SHOX: variants seen among roughly 807,000 people sequenced by gnomAD.
SHOX encodes the protein short stature homeobox protein.
SHOX carries 12 observed loss-of-function variants against 29.6 expected under a neutral mutation model. The observed-to-expected ratio is 0.41, with a 90% confidence interval of 0.26 to 0.66. SHOX has a LOEUF of 0.66. SHOX is among the 30% of genes least tolerant of loss of function. SHOX has a pLI of 0.35. For synonymous variants in SHOX, 214 were observed against 200.6 expected, an observed-to-expected ratio of 1.07 and a Z score of -0.57; for missense variants, 499 against 437.7, an observed-to-expected ratio of 1.14 and a Z score of -1.25.
upstream of SHOX, among the ~76,000 whole-genome samples, chrX:626,340 CTCTG>C (rs1351632855): frequency 1.5e-5 from 2 of 129,134 alleles, no homozygotes; most frequent in East Asian, 2.5e-4. Flanking sequence ...CTGTCTGTAT[CTCTG>C]TCTATCTCTG....
chrX:626,168 G>A (rs1220350416), upstream of SHOX, among the ~76,000 whole-genome samples: 1 of 101,634 alleles, frequency 9.8e-6, no homozygotes, highest in African/African-American at 4.3e-5. Context: ...CTCTATCTCT[G>A]TCTCTCTTTC....
At chrX:631,327 G>A in intron 1 of SHOX, 153 bp downstream of exon 1, 1 of 495,622 alleles carries the variant, frequency 2.0e-6, no homozygotes, top group Non-Finnish European at 2.6e-6. Flanking sequence ...GCCTAAGAAA[G>A]GAAGGAAGGC....
rs1229600774 is a variant in SHOX, at chrX:649,113, C to T, written c.*4477C>T. The stretch of plus-strand genomic sequence containing the variant: ...AGTGCAGTGGTGCAATCCCAGCTCA[C>T]TGCATCCTCTACCTCCTGGCTTCAA... On this transcript the variant is annotated 3_prime_UTR_variant, in exon 5 of 5. Coordinates refer to ENST00000686671, the MANE Select transcript of SHOX (RefSeq NM_000451.4). Among the ~76,000 whole-genome samples the T allele has an allele frequency of 6.6e-6, 1 of 151,820 alleles. No homozygotes were observed. Among genetic ancestry groups the T allele is most frequent in the Non-Finnish European group, 1.5e-5 (1 of 68,002 alleles).
At chrX:638,277 G>A (rs1367510727) in intron 2 of SHOX, among the ~76,000 whole-genome samples, 1 of 151,650 alleles carries the variant, frequency 6.6e-6, no homozygotes, top group Non-Finnish European at 1.5e-5. Context: ...TCCTCTCGCC[G>A]TGTTGAAGGG....
chrX:627,790 G>C (rs925598551), upstream of SHOX, among the ~76,000 whole-genome samples: 9 of 152,104 alleles, frequency 5.9e-5, no homozygotes, highest in African/African-American at 1.7e-4. Flanking sequence ...ACCTCAGGTC[G>C]GGGAAAGCCT....
At chrX:652,971 GCT>G (rs1179858901), downstream of SHOX, among the ~76,000 whole-genome samples, 1 of 152,124 alleles carries the variant, frequency 6.6e-6, no homozygotes, top group Non-Finnish European at 1.5e-5. Context: ...GCGCAGTGTG[GCT>G]CTCACGCCTG....
downstream of SHOX, among the ~76,000 whole-genome samples, chrX:652,003 A>C (rs1301834515): frequency 6.6e-6 from 1 of 150,576 alleles, no homozygotes. Flanking sequence ...GCTCACCGCG[A>C]CCTCCGCCTC....
intron 5 of SHOX, chrX:658,775 T>A (rs2053184317): frequency 2.5e-6 from 1 of 396,974 alleles, no homozygotes; most frequent in Non-Finnish European, 5.0e-6. Flanking sequence ...TGGCCTTTTT[T>A]TTTTTTTAGA....
In SHOX at chrX:634,940, GCGGGGAGGT is replaced by G. The variant is rs1268869170; in HGVS notation, c.486+115_486+123del. 4 of 1,175,164 alleles carry G rather than the reference GCGGGGAGGT, an allele frequency of 3.4e-6. No individual in the cohort carries two copies. The African/African-American group carries it at 6.1e-5, about 18-fold the overall frequency. 72.8% of individuals were successfully genotyped at this position (1,175,164 alleles called of 1,614,324 possible). On this transcript the variant is annotated intron_variant, in intron 2 of 4. Coordinates refer to ENST00000686671, the MANE Select transcript of SHOX (RefSeq NM_000451.4). ...GCCGCCGCCGTCCCCTTCCCGGAGC[GCGGGGAGGT>G]TGGGTGAGGGACGGGCTGGGGTTCC...
intron 4 of SHOX, among the ~76,000 whole-genome samples, chrX:642,907 CTGGAGAGGCTTGGGGACCTGGTGACCT>C (rs2052882162): frequency 7.4e-6 from 1 of 135,074 alleles, no homozygotes; most frequent in Non-Finnish European, 1.6e-5. Flanking sequence ...CCTGGTGTCC[CTGGAGAGGCTTGGGGACCTGGTGACCT>C]TGGAGAGGCT....
At chrX:629,393 CTCTCTCTCCA>C (rs2052606587), upstream of SHOX, among the ~76,000 whole-genome samples, 1 of 66,814 alleles carries the variant, frequency 1.5e-5, no homozygotes, top group East Asian at 3.0e-4. Context: ...GTCTCTCTTT[CTCTCTCTCCA>C]TCTCTCTCCG....
At chrX:641,742 A>T (rs1202819089) in intron 4 of SHOX, among the ~76,000 whole-genome samples, 2 of 151,702 alleles carry the variant, frequency 1.3e-5, no homozygotes, top group Non-Finnish European at 2.9e-5. Context: ...GAAGGTGAAC[A>T]CACACAAGCC....
chrX:635,282 G>C (rs2052725536), intron 2 of SHOX, among the ~76,000 whole-genome samples: 2 of 151,894 alleles, frequency 1.3e-5, no homozygotes, highest in South Asian at 2.1e-4. Flanking sequence ...TTGATCCAGA[G>C]TGTTTTACAA....
upstream of SHOX, chrX:630,406 A>ATTC: frequency 6.3e-6 from 1 of 158,904 alleles, no homozygotes; most frequent in Non-Finnish European, 1.4e-5. Context: ...GGGCGGCCGG[A>ATTC]CGACTGGGAC....
chrX:644,454 G>A lies in SHOX; in HGVS notation c.697G>A (p.Ala233Thr), dbSNP rs765253480. 1 of 1,522,412 alleles carries A rather than the reference G, an allele frequency of 6.6e-7. No individual in the cohort carries two copies. 94.3% of individuals were successfully genotyped at this position (1,522,412 alleles called of 1,614,324 possible). Residue 233 changes from alanine (A) to threonine (T), a missense_variant, in exon 5 of 5, where the codon GCG (alanine) becomes ACG (threonine). Ala to Thr is a moderately conservative substitution (Grantham distance 58). Coordinates refer to ENST00000686671, the MANE Select transcript of SHOX (RefSeq NM_000451.4). ...GCACCCGCACCTGCACCCGCACCTG[G>A]CGGCGCACGCGCCCTACCTGATGTT... ...HAHPHLHPHL[A>T]AHAPYLMFPP...
downstream of SHOX, among the ~76,000 whole-genome samples, chrX:652,805 G>A (rs1198981830): frequency 4.6e-5 from 7 of 152,208 alleles, no homozygotes; most frequent in East Asian, 9.6e-4. Flanking sequence ...GTGTCTTGCC[G>A]GACAGAAGAA....
Position 650,792 on chromosome X carries a change from T to TAAAAAAAAAAAAAAAAA in SHOX, c.*6167_*6183dup, listed in dbSNP as rs1041655715. 3.9e-5 allele frequency among the ~76,000 whole-genome samples: 2 copies of TAAAAAAAAAAAAAAAAA among 50,830 alleles called. No individual in the cohort carries two copies. The highest frequency in any genetic ancestry group is 6.8e-5 in the African/African-American group (1 of 14,762). The allele number at this position is 50,830 out of a possible 152,430, so 33.3% of individuals were successfully genotyped here. A position where few individuals can be genotyped will look rare whatever the true frequency, so the allele number is the denominator to read the frequency against. ...GGCTTTCGGTGGACACGTTTGACATTAAAAAAAAAAAAAAAAAAAAAAAAA... is the reference window on the plus strand; with the variant it reads ...GGCTTTCGGTGGACACGTTTGACATTAAAAAAAAAAAAAAAAAAAAAAAAAAAAAAAAAAAAAAAAAA... On this transcript the variant is annotated 3_prime_UTR_variant, in exon 5 of 5. Coordinates refer to ENST00000686671, the MANE Select transcript of SHOX (RefSeq NM_000451.4).
At chrX:628,430 C>G (rs1404708600), upstream of SHOX, among the ~76,000 whole-genome samples, 1 of 105,746 alleles carries the variant, frequency 9.5e-6, no homozygotes, top group Non-Finnish European at 1.9e-5. Context: ...CCTCTCTCTC[C>G]CTGTCTGTGT....
chrX:654,453 G>C (rs138574499), downstream of SHOX, among the ~76,000 whole-genome samples: 1,010 of 152,050 alleles, frequency 6.6e-3, 8 homozygotes, highest in African/African-American at 0.022. Context: ...TTCAATGGAA[G>C]AATCCTTGAA....
Sources: allele counts gnomAD v4.1 joint callset (sites outside exome capture counted in the v4.1 genomes callset), GRCh38; gene constraint gnomAD v4.1.1; transcripts MANE v1.5; gene names NCBI Gene and HGNC (gene_info 2026-07-23, HGNC 2026-07-21).